EFL1: variants seen among roughly 807,000 people sequenced by gnomAD.
EFL1 encodes elongation factor like GTPase 1.
Under a neutral mutation model 126.7 loss-of-function variants are expected in EFL1, and 76 were observed. That is an observed-to-expected ratio of 0.60 (90% CI 0.50 to 0.73). The LOEUF (loss-of-function observed/expected upper bound fraction) is 0.73, where lower values mean the gene tolerates loss of function less well. Ranked by LOEUF, EFL1 falls within the 30% of genes least tolerant of loss-of-function variation. EFL1 has a pLI of 0.00. For missense variants in EFL1, 1,128 were observed against 1,343.2 expected, an observed-to-expected ratio of 0.84 and a Z score of 2.50; for synonymous variants, 410 against 448.4, an observed-to-expected ratio of 0.91 and a Z score of 1.08.
chr15:82,157,228 T>C (rs993709866), intron 17 of EFL1, among the ~76,000 whole-genome samples: 3 of 152,170 alleles, frequency 2.0e-5, no homozygotes, highest in South Asian at 2.1e-4. Context: ...GCAATAAACA[T>C]ACATTATCTT....
chr15:82,204,401 TACTTA>T (rs1315163893), intron 15 of EFL1, among the ~76,000 whole-genome samples: 1 of 151,742 alleles, frequency 6.6e-6, no homozygotes, highest in Non-Finnish European at 1.5e-5. Context: ...AAAAAAAATC[TACTTA>T]ACCAATTTAC....
intron 15 of EFL1, among the ~76,000 whole-genome samples, chr15:82,176,944 C>A (rs571201936): frequency 3.3e-5 from 5 of 152,328 alleles, no homozygotes; most frequent in African/African-American, 9.6e-5. Flanking sequence ...GAGCAAATCA[C>A]AACCATGTGC....
At chr15:82,261,977 G>A (rs2075126458) in intron 1 of EFL1, 180 bp from the exon 2 acceptor site, 1 of 541,000 alleles carries the variant, frequency 1.8e-6, no homozygotes, top group Admixed American at 3.4e-5. Context: ...ACTAAAGTCA[G>A]TATCCTACCA....
chr15:82,152,324 G>C lies in EFL1; in HGVS notation c.2130C>G (p.Gly710=). 6.2e-7 allele frequency: 1 copy of C among 1,613,914 alleles called. No individual in the cohort carries two copies. The highest frequency in any genetic ancestry group is 8.5e-7 in the Non-Finnish European group (1 of 1,180,000). Residue 710 remains glycine (G), a synonymous_variant, in exon 18 of 20, where the codon GGC becomes GGG. Transcript: ENST00000268206. Reference sequence around the variant, plus strand: ...GTATGACTGCAACTTTTTGCTGTTTGCCTATTTCTTCATTGACCATGTCAA... The same window carrying C: ...GTATGACTGCAACTTTTTGCTGTTTCCCTATTTCTTCATTGACCATGTCAA... ...PKVDMVNEEI[G]KQQKVAVIHQ...
chr15:82,149,007 T>C (rs1338259362), intron 18 of EFL1, among the ~76,000 whole-genome samples: 2 of 151,930 alleles, frequency 1.3e-5, no homozygotes, highest in Admixed American at 6.6e-5. Flanking sequence ...AAGCTGATAA[T>C]TGGGGGACTG....
chr15:82,148,305 G>T (rs999972412), intron 18 of EFL1, among the ~76,000 whole-genome samples: 3 of 151,144 alleles, frequency 2.0e-5, no homozygotes, highest in Non-Finnish European at 2.9e-5. Flanking sequence ...TTGAACCCAG[G>T]AGGTGGAGGT....
Position 82,152,230 on chromosome 15 carries a change from T to A in EFL1, c.2224A>T (p.Ile742Leu), listed in dbSNP as rs765113282. ...GTGGCAAGTTTATTGGGAGTTGTTA[T>A]GGTGATTAGCCCGTCAGAGTCAACT... is the stretch of plus-strand genomic sequence containing the variant. ...IQVDSDGLIT[I>L]TTPNKLATLS... is the part of the protein sequence containing the mutation. Residue 742 changes from isoleucine to leucine, a missense_variant, in exon 18 of 20, where the codon ATA becomes TTA. Physicochemically the swap from Ile to Leu is conservative, Grantham distance 5 (BLOSUM62 2). This residue lies in a region of EFL1 where 561 missense variants were observed against 641.7 expected (regional missense o/e 0.87). Coordinates refer to ENST00000268206, the MANE Select transcript of EFL1 (RefSeq NM_024580.6). The A allele has an allele frequency of 6.2e-7, 1 of 1,614,104 alleles. No homozygotes were observed. Among genetic ancestry groups the A allele is most frequent in the African/African-American group, 1.3e-5 (1 of 74,936 alleles).
chr15:82,174,509 C>T (rs756711290), intron 15 of EFL1: 6 of 152,176 alleles, frequency 3.9e-5, no homozygotes, highest in Non-Finnish European at 7.3e-5. Flanking sequence ...TGGGATTATA[C>T]TGTAAATGGA....
intron 17 of EFL1, among the ~76,000 whole-genome samples, chr15:82,154,097 A>G (rs924491913): frequency 2.0e-5 from 3 of 152,184 alleles, no homozygotes; most frequent in African/African-American, 7.2e-5. Context: ...AGTCTCCTGT[A>G]GTAATCATTT....
At chr15:82,207,153 C>T (rs546828388) in intron 15 of EFL1, among the ~76,000 whole-genome samples, 1 of 151,954 alleles carries the variant, frequency 6.6e-6, no homozygotes, top group African/African-American at 2.4e-5. Context: ...GTAGAAAAGA[C>T]CATTTGATAA....
chr15:82,144,705 A>C (rs2073824159), intron 18 of EFL1, among the ~76,000 whole-genome samples: 1 of 152,312 alleles, frequency 6.6e-6, no homozygotes, highest in South Asian at 2.1e-4. Flanking sequence ...GAATAAGAAA[A>C]GGTTTAAAGG....
chr15:82,186,904 C>G (rs1294674620), intron 15 of EFL1, among the ~76,000 whole-genome samples: 11 of 152,162 alleles, frequency 7.2e-5, no homozygotes, highest in Non-Finnish European at 1.5e-5. Flanking sequence ...CTCAATAATT[C>G]AGGCGCTTCT....
chr15:82,227,561 G>A lies in EFL1; in HGVS notation c.1081C>T (p.Gln361Ter), dbSNP rs1301420797. The A allele has an allele frequency of 6.2e-7, 1 of 1,614,120 alleles. No individual in the cohort carries two copies. The highest frequency in any genetic ancestry group is 8.5e-7 in the Non-Finnish European group (1 of 1,179,988). Reference sequence around the variant, plus strand: ...ATATCAAGGGGACTAGGAAGTTTCTGACACACCATAGCTGAAGTCTATTGT... The same window carrying A: ...ATATCAAGGGGACTAGGAAGTTTCTAACACACCATAGCTGAAGTCTATTGT... ...ISHAVLAMVC[Q>*]KLPSPLDITA... The change falls in exon 11 of 20, where the codon CAG (glutamine) becomes TAG (stop). Residue 361 changes from glutamine (Q) to a stop codon, truncating the protein, a stop_gained. Coordinates refer to ENST00000268206, the MANE Select transcript of EFL1 (RefSeq NM_024580.6). LOFTEE classifies it high-confidence loss of function.
intron 15 of EFL1, among the ~76,000 whole-genome samples, chr15:82,175,197 G>A (rs2074181477): frequency 6.6e-6 from 1 of 152,068 alleles, no homozygotes; most frequent in African/African-American, 2.4e-5. Context: ...CAAAAGCTTG[G>A]GATTTTTGAG....
intron 6 of EFL1, among the ~76,000 whole-genome samples, chr15:82,239,949 A>T (rs554182248): frequency 2.6e-5 from 4 of 152,238 alleles, no homozygotes; most frequent in African/African-American, 9.6e-5. Context: ...TGTCTCCCCT[A>T]CTATACTGTG....
At chr15:82,242,379 T>G (rs1387789577) in intron 4 of EFL1, among the ~76,000 whole-genome samples, 1 of 135,854 alleles carries the variant, frequency 7.4e-6, no homozygotes, top group Non-Finnish European at 1.5e-5. Flanking sequence ...GAGCATTTCC[T>G]TTTTGTGCCA....
intron 5 of EFL1, 102 bp from the exon 6 acceptor site, chr15:82,240,657 CA>C: frequency 7.4e-7 from 1 of 1,350,546 alleles, no homozygotes; most frequent in South Asian, 1.4e-5. Context: ...GCCAGTCAGA[CA>C]AAGGTATTCA....
chr15:82,233,317 A>C (rs1048402573), intron 7 of EFL1, among the ~76,000 whole-genome samples: 2 of 152,136 alleles, frequency 1.3e-5, no homozygotes, highest in Non-Finnish European at 2.9e-5. Context: ...GCACTTCCCC[A>C]TTCTTGAATT....
chr15:82,215,998 G>A (rs1258250009), intron 14 of EFL1, among the ~76,000 whole-genome samples: 2 of 151,884 alleles, frequency 1.3e-5, no homozygotes, highest in Non-Finnish European at 2.9e-5. Context: ...AACAAGCTAC[G>A]GATAAATTAT....
Sources: allele counts gnomAD v4.1 joint callset (sites outside exome capture counted in the v4.1 genomes callset), GRCh38; gene constraint gnomAD v4.1.1; regional missense constraint gnomAD v4.1.1; transcripts MANE v1.5; gene names NCBI Gene and HGNC (gene_info 2026-07-23, HGNC 2026-07-21).